LAMA1: variants seen among roughly 807,000 people sequenced by gnomAD.
LAMA1 encodes laminin subunit alpha 1, also known as laminin subunit alpha-1.
A neutral mutation model predicts 348.7 loss-of-function variants in LAMA1; 219 were observed. The observed-to-expected ratio is 0.63, with a 90% CI of 0.56 to 0.70. The LOEUF (loss-of-function observed/expected upper bound fraction) is 0.70, where lower values mean the gene tolerates loss of function less well. LAMA1 is among the 30% of genes least tolerant of loss of function. The pLI, the probability that LAMA1 is intolerant of heterozygous loss-of-function variation, is 0.00. For synonymous variants in LAMA1, 1,487 were observed against 1,491.0 expected (o/e 1.00, Z 0.06); for missense variants, 3,744 against 3,888.0 (o/e 0.96, Z 0.99).
At chr18:7,093,851 C>G (rs113971256) in intron 1 of LAMA1, among the ~76,000 whole-genome samples, 1 of 150,746 alleles carries the variant, frequency 6.6e-6, no homozygotes, top group African/African-American at 2.5e-5. Flanking sequence ...ATCGGCTCCC[C>G]GCATCCTCCG....
chr18:6,962,329 T>C (rs1167475518), intron 51 of LAMA1, among the ~76,000 whole-genome samples: 2 of 150,432 alleles, frequency 1.3e-5, no homozygotes, highest in African/African-American at 4.9e-5. Flanking sequence ...GGAGGATTGC[T>C]TGAGCCCAGG....
In LAMA1 at chr18:7,080,055, T is replaced by C. The variant is rs778764091; in HGVS notation, c.265A>G (p.Thr89Ala). The change falls in exon 3 of 63, where the codon ACC (threonine) becomes GCC (alanine). Residue 89 changes from threonine (T) to alanine (A), a missense_variant. Thr to Ala is a moderately conservative substitution (Grantham distance 58). Transcript: ENST00000389658. The part of the protein sequence containing the change: ...RHPISHAIDG[T>A]NNWWQSPSIQ... ...CTGGGACTTTGCCACCAGTTATTGG[T>C]GCCATCTATGGCATGTGATATTGGA... 2.5e-6 allele frequency: 4 copies of C among 1,614,046 alleles called. No individual in the cohort carries two copies. The highest frequency in any genetic ancestry group is 3.4e-6 in the Non-Finnish European group (4 of 1,179,870).
chr18:7,013,372 G>A (rs1320070676), intron 23 of LAMA1, among the ~76,000 whole-genome samples: 2 of 151,968 alleles, frequency 1.3e-5, no homozygotes, highest in Admixed American at 6.6e-5. Flanking sequence ...GAAAACTAAC[G>A]GAAACACACA....
intron 61 of LAMA1, among the ~76,000 whole-genome samples, chr18:6,946,092 G>A (rs1482913049): frequency 6.6e-6 from 1 of 151,912 alleles, no homozygotes; most frequent in Non-Finnish European, 1.5e-5. Context: ...AGGCTGAAAA[G>A]CAAGGGCAGA....
At chr18:6,982,990 C>G in intron 40 of LAMA1, 109 bp downstream of exon 40, 1 of 1,407,098 alleles carries the variant, frequency 7.1e-7, no homozygotes, top group Non-Finnish European at 1.0e-6. Flanking sequence ...CAGATTCCAC[C>G]AGAAAAGAAT....
At chr18:6,968,398 C>T (rs1007697588) in intron 48 of LAMA1, among the ~76,000 whole-genome samples, 1 of 152,228 alleles carries the variant, frequency 6.6e-6, no homozygotes, top group Non-Finnish European at 1.5e-5. Flanking sequence ...TGGGATGCTG[C>T]TTCTCCAACT....
chr18:7,009,496 A>G (rs2057849275), intron 26 of LAMA1, 130 bp from the exon 27 acceptor site: 1 of 1,012,524 alleles, frequency 9.9e-7, no homozygotes, highest in Non-Finnish European at 1.5e-6. Context: ...CACTGAGTGT[A>G]ACTGACAAAG....
chr18:7,017,190 T>C (rs1568032573), intron 20 of LAMA1, 88 bp downstream of exon 20: 6 of 1,000,684 alleles, frequency 6.0e-6, no homozygotes, highest in South Asian at 1.4e-5. Flanking sequence ...AACAAACTAA[T>C]ACACTTGGGG....
At chr18:7,117,029 G>C (rs991003863) in intron 1 of LAMA1, among the ~76,000 whole-genome samples, 6 of 152,076 alleles carry the variant, frequency 3.9e-5, no homozygotes, top group African/African-American at 1.4e-4. Context: ...CAAAAAGCGC[G>C]GGTCGGGAAG....
At chr18:7,057,471 CTTTTTT>C (rs552843703) in intron 3 of LAMA1, among the ~76,000 whole-genome samples, 10,701 of 90,650 alleles carry the variant, frequency 0.12, 1,254 homozygotes, top group African/African-American at 0.36. Flanking sequence ...CTTTTCTTTT[CTTTTTT>C]TTTTTTTTTT....
intron 55 of LAMA1, among the ~76,000 whole-genome samples, chr18:6,957,884 G>C (rs1332960587): frequency 1.3e-5 from 2 of 152,060 alleles, no homozygotes; most frequent in Non-Finnish European, 2.9e-5. Flanking sequence ...GGGTTCAAGT[G>C]ATTCTCCTGC....
intron 4 of LAMA1, among the ~76,000 whole-genome samples, chr18:7,050,262 T>G (rs977949730): frequency 6.6e-6 from 1 of 152,212 alleles, no homozygotes; most frequent in Non-Finnish European, 1.5e-5. Flanking sequence ...ATACTCTGAC[T>G]TCAAGGAAGT....
chr18:6,986,749 A>C (rs898008076), intron 36 of LAMA1, among the ~76,000 whole-genome samples: 1 of 152,152 alleles, frequency 6.6e-6, no homozygotes, highest in African/African-American at 2.4e-5. Flanking sequence ...CAAGTCTTGA[A>C]GCTTTCAAAG....
At chr18:7,098,698 A>ACCG (rs1405713212) in intron 1 of LAMA1, among the ~76,000 whole-genome samples, 4 of 139,486 alleles carry the variant, frequency 2.9e-5, no homozygotes, top group South Asian at 2.3e-4. Context: ...CCCGGCAGCC[A>ACCG]CCCCATCCGG....
At chr18:7,027,960 G>C (rs1026807131) in intron 16 of LAMA1, among the ~76,000 whole-genome samples, 3 of 151,958 alleles carry the variant, frequency 2.0e-5, no homozygotes, top group Non-Finnish European at 2.9e-5. Flanking sequence ...AAACAAAAAA[G>C]CTATTATAAG....
chr18:6,981,352 A>G (rs1401002306), intron 41 of LAMA1, among the ~76,000 whole-genome samples: 3 of 152,028 alleles, frequency 2.0e-5, no homozygotes, highest in Non-Finnish European at 4.4e-5. Flanking sequence ...CCTACCTGGG[A>G]GTCTTCCTCA....
intron 19 of LAMA1, among the ~76,000 whole-genome samples, chr18:7,020,287 A>G (rs1169736469): frequency 1.3e-5 from 2 of 152,130 alleles, no homozygotes; most frequent in Non-Finnish European, 2.9e-5. Context: ...GAACCTGACG[A>G]TCAGTTTCTC....
intron 1 of LAMA1, among the ~76,000 whole-genome samples, chr18:7,101,701 C>A (rs1384435840): frequency 6.6e-6 from 1 of 152,014 alleles, no homozygotes; most frequent in Non-Finnish European, 1.5e-5. Flanking sequence ...GGGGTCTCAC[C>A]CTGTGGCTCA....
chr18:6,947,154 A>C lies in LAMA1; in HGVS notation c.8844+9T>G. ...GGGAGGAAGACCCTCATGGAGAGGA[A>C]GCACCCACCTTGCCGTCCACAAGCT... On this transcript the variant is annotated intron_variant, in intron 61 of 62. Transcript: ENST00000389658. The C allele has an allele frequency of 1.2e-6, 2 of 1,614,154 alleles. No individual in the cohort carries two copies. The highest frequency in any genetic ancestry group is 1.7e-6 in the Non-Finnish European group (2 of 1,180,024).
Sources: allele counts gnomAD v4.1 joint callset (sites outside exome capture counted in the v4.1 genomes callset), GRCh38; gene constraint gnomAD v4.1.1; transcripts MANE v1.5; gene names NCBI Gene and HGNC (gene_info 2026-07-23, HGNC 2026-07-21).